GARRE1: variants seen among roughly 807,000 people sequenced by gnomAD.
GARRE1 encodes the protein granule associated Rac and RHOG effector 1, also known as granule associated Rac and RHOG effector protein 1.
A neutral mutation model predicts 103.2 loss-of-function variants in GARRE1; 49 were observed. That is an observed-to-expected ratio of 0.47 (90% confidence interval 0.38 to 0.60). The LOEUF (loss-of-function observed/expected upper bound fraction) is 0.60. Ranked by LOEUF, GARRE1 falls within the 20% of genes least tolerant of loss-of-function variation. The pLI, the probability that GARRE1 is intolerant of heterozygous loss-of-function variation, is 0.00. For synonymous variants in GARRE1, 505 were observed against 532.8 expected, an observed-to-expected ratio of 0.95 and a Z score of 0.72; for missense variants, 1,199 against 1,370.5, an observed-to-expected ratio of 0.87 and a Z score of 1.98.
At chr19:34,318,839 C>G (rs2074071829) in intron 2 of GARRE1, among the ~76,000 whole-genome samples, 1 of 152,030 alleles carries the variant, frequency 6.6e-6, no homozygotes, top group Non-Finnish European at 1.5e-5. Context: ...GTCAGGAATT[C>G]AAGACCAGCC....
chr19:34,327,926 G>A, intron 5 of GARRE1, 60 bp downstream of exon 5: 1 of 1,613,424 alleles, frequency 6.2e-7, no homozygotes, highest in Non-Finnish European at 8.5e-7. Flanking sequence ...AGTCTAGTGT[G>A]AACCAAGTGT....
At chr19:34,301,533 A>AAAAAAG (rs2073978919) in intron 2 of GARRE1, among the ~76,000 whole-genome samples, 4 of 131,984 alleles carry the variant, frequency 3.0e-5, no homozygotes, top group Non-Finnish European at 7.0e-5. Context: ...AAAAAAAAAA[A>AAAAAAG]AAAAAGAAAA....
Position 34,271,116 on chromosome 19 carries a change from C to G in GARRE1, c.-796+16502C>G, listed in dbSNP as rs188199514. ...GGAATAAAGTAGAATGTTTGGTTCC[C>G]TGGGATTAAAGCCATTTGTTAGTTT... On this transcript the variant is annotated intron_variant, in intron 1 of 13. Coordinates refer to ENST00000299505, the MANE Select transcript of GARRE1 (RefSeq NM_014686.5). 5.9e-5 allele frequency among the ~76,000 whole-genome samples: 9 copies of G among 152,246 alleles called. No homozygotes were observed. The East Asian group carries it at 1.7e-3, about 29-fold the overall frequency.
chr19:34,275,166 GTGT>G (rs2073809592), intron 1 of GARRE1, among the ~76,000 whole-genome samples: 1 of 87,468 alleles, frequency 1.1e-5, no homozygotes, highest in Admixed American at 1.4e-4. Flanking sequence ...AACATTTTCT[GTGT>G]TTTTTTTTTT....
chr19:34,319,498 G>A (rs2074075433), intron 2 of GARRE1, among the ~76,000 whole-genome samples: 1 of 152,290 alleles, frequency 6.6e-6, no homozygotes, highest in South Asian at 2.1e-4. Context: ...CCTTCTTTCA[G>A]ATTTTTAGTT....
Position 34,352,856 on chromosome 19 carries a change from C to G in GARRE1, c.3114C>G (p.Pro1038=), listed in dbSNP as rs397414. 1 of 1,557,514 alleles carries G rather than the reference C, an allele frequency of 6.4e-7. No homozygotes were observed. Among genetic ancestry groups the G allele is most frequent in the East Asian group, 2.3e-5 (1 of 44,340 alleles). Residue 1038 remains proline (P), a synonymous_variant, in exon 14 of 14, where the codon CCC becomes CCG. Coordinates refer to ENST00000299505, the MANE Select transcript of GARRE1 (RefSeq NM_014686.5). ...AAAFSYVQTP[P]QPPPPPAHKA... is the part of the protein sequence containing the mutation. ...CCTTCTCCTATGTGCAGACCCCACC[C>G]CAGCCCCCACCCCCACCAGCACACA...
intron 8 of GARRE1, among the ~76,000 whole-genome samples, chr19:34,337,864 C>G (rs2074168186): frequency 6.6e-6 from 1 of 152,178 alleles, no homozygotes; most frequent in Non-Finnish European, 1.5e-5. Flanking sequence ...TGTGACAAGC[C>G]AAGTCACAAC....
At chr19:34,329,372 C>G (rs149746446) in intron 6 of GARRE1, among the ~76,000 whole-genome samples, 1 of 152,180 alleles carries the variant, frequency 6.6e-6, no homozygotes, top group African/African-American at 2.4e-5. Flanking sequence ...TCAACCAGTT[C>G]ACATCAGTAG....
intron 2 of GARRE1, among the ~76,000 whole-genome samples, chr19:34,313,352 A>G (rs969376593): frequency 6.6e-6 from 1 of 152,230 alleles, no homozygotes. Flanking sequence ...TAGGAAGGAA[A>G]TGAAGCAAGG....
At chr19:34,296,591 C>G (rs1271703364) in intron 1 of GARRE1, 2 of 1,551,344 alleles carry the variant, frequency 1.3e-6, no homozygotes, top group African/African-American at 1.4e-5. Flanking sequence ...TGAGGCCCTT[C>G]TTGTGCTTCT....
chr19:34,291,568 G>A (rs1213719003), intron 1 of GARRE1, among the ~76,000 whole-genome samples: 1 of 152,184 alleles, frequency 6.6e-6, no homozygotes, highest in Non-Finnish European at 1.5e-5. Flanking sequence ...GGACAGGAGA[G>A]CTCAAGAGAG....
intron 1 of GARRE1, among the ~76,000 whole-genome samples, chr19:34,264,346 G>A (rs917548496): frequency 6.6e-6 from 1 of 152,086 alleles, no homozygotes; most frequent in Non-Finnish European, 1.5e-5. Context: ...TCAGAAACAG[G>A]ACAAGAGCTT....
At chr19:34,263,265 G>GACAT (rs1555778751) in intron 1 of GARRE1, among the ~76,000 whole-genome samples, 1 of 149,494 alleles carries the variant, frequency 6.7e-6, no homozygotes, top group Admixed American at 6.7e-5. Context: ...TCTCGATAGA[G>GACAT]AGATAGATAG....
chr19:34,266,649 C>G (rs562599262), intron 1 of GARRE1, among the ~76,000 whole-genome samples: 2 of 152,118 alleles, frequency 1.3e-5, no homozygotes, highest in Non-Finnish European at 2.9e-5. Flanking sequence ...AGGCAACTTT[C>G]TGGTCTTTTT....
At chr19:34,317,840 CACTAAAGCTGTCTGTGTGCTCT>C (rs1168848261) in intron 2 of GARRE1, among the ~76,000 whole-genome samples, 2 of 152,190 alleles carry the variant, frequency 1.3e-5, no homozygotes, top group Admixed American at 1.3e-4. Flanking sequence ...CTGTGTGCTC[CACTAAAGCTGTCTGTGTGCTCT>C]ACAGGACTAA....
intron 3 of GARRE1, among the ~76,000 whole-genome samples, chr19:34,327,154 CAAAATAAAATAAAAT>C (rs60648933): frequency 2.0e-5 from 3 of 148,610 alleles, no homozygotes; most frequent in Non-Finnish European, 4.5e-5. Flanking sequence ...GACCTTGTCT[CAAAATAAAATAAAAT>C]AAAATAAAAT....
chr19:34,311,423 G>T (rs1182879342), intron 2 of GARRE1, among the ~76,000 whole-genome samples: 1 of 152,072 alleles, frequency 6.6e-6, no homozygotes, highest in African/African-American at 2.4e-5. Context: ...TCCAGTGCGT[G>T]CAGAATGACT....
chr19:34,290,904 T>C (rs2073914185), intron 1 of GARRE1, among the ~76,000 whole-genome samples: 1 of 28,924 alleles, frequency 3.5e-5, no homozygotes, highest in Non-Finnish European at 1.2e-4. Context: ...TTTTTTTTTT[T>C]TTTTTTTTTT....
At position 34,342,363 on chromosome 19, in the gene GARRE1, C is replaced by T. The variant is rs773077828; in HGVS notation, c.2429C>T (p.Pro810Leu). 1.5e-5 allele frequency: 25 copies of T among 1,613,986 alleles called. No homozygotes were observed. The highest frequency in any genetic ancestry group is 6.7e-5 in the East Asian group (3 of 44,880). ...NVMSEVLGQKPQGPRNNTWPN... is the reference protein window; with the variant it reads ...NVMSEVLGQKLQGPRNNTWPN... ...ATGTCAGAGGTTCTGGGACAGAAGC[C>T]GCAGGGACCTAGAAATAACACCTGG... Residue 810 changes from proline (P) to leucine (L), a missense_variant, in exon 10 of 14, where the codon CCG becomes CTG. Pro to Leu is a moderately conservative substitution (Grantham distance 98). Transcript: ENST00000299505.
Sources: allele counts gnomAD v4.1 joint callset (sites outside exome capture counted in the v4.1 genomes callset), GRCh38; gene constraint gnomAD v4.1.1; transcripts MANE v1.5; gene names NCBI Gene and HGNC (gene_info 2026-07-23, HGNC 2026-07-21).